The following SEC24B variants were observed in gnomAD, a reference collection of about 807,000 sequenced individuals.
SEC24B encodes the protein SEC24 homolog B, COPII component.
A neutral mutation model predicts 142.8 loss-of-function variants in SEC24B; 45 were observed. The ratio of observed to expected loss-of-function variants is 0.32; its 90% CI spans 0.25 to 0.40. The LOEUF is 0.40. SEC24B is among the 10% of genes least tolerant of loss of function. SEC24B has a pLI of 1.00. For synonymous variants in SEC24B, 574 were observed against 568.2 expected (o/e 1.01, Z -0.15); for missense variants, 1,409 against 1,526.8 (o/e 0.92, Z 1.29).
intron 16 of SEC24B, 86 bp downstream of exon 16, chr4:109,525,590 T>A (rs72898773): frequency 2.4e-6 from 2 of 847,684 alleles, no homozygotes; most frequent in African/African-American, 3.5e-5. Flanking sequence ...CTCTGACTGT[T>A]CATGATGGAA....
Position 109,473,134 on chromosome 4 carries a change from A to G in SEC24B, c.1008A>G (p.Pro336=), listed in dbSNP as rs1732711296. Reference sequence around the variant, plus strand: ...GAACACCTCCCACTGCAAATCACCCAGTTGAGCCTGTGACCTCAGTTACAC... The same window carrying G: ...GAACACCTCCCACTGCAAATCACCCGGTTGAGCCTGTGACCTCAGTTACAC... ...STRTPPTANH[P]VEPVTSVTQP... is the part of the protein sequence containing the mutation. Residue 336 remains proline, a synonymous_variant, in exon 3 of 24, where the codon CCA becomes CCG. Transcript: ENST00000265175. 1 of 1,597,970 alleles carries G rather than the reference A, an allele frequency of 6.3e-7. No homozygotes were observed. Among genetic ancestry groups the G allele is most frequent in the Non-Finnish European group, 8.5e-7 (1 of 1,172,386 alleles).
intron 2 of SEC24B, among the ~76,000 whole-genome samples, chr4:109,471,088 CACAT>C (rs139543098): frequency 0.12 from 17,826 of 151,984 alleles, 3,466 homozygotes; most frequent in African/African-American, 0.4. Flanking sequence ...TGTATATATA[CACAT>C]ACATACATGT....
chr4:109,531,577 G>A, intron 20 of SEC24B, 55 bp downstream of exon 20: 1 of 1,329,370 alleles, frequency 7.5e-7, no homozygotes, highest in Non-Finnish European at 1.1e-6. Flanking sequence ...TGAGTGTCTT[G>A]TTCTACAGCT....
At chr4:109,504,035 G>GA (rs1312763309) in intron 6 of SEC24B, among the ~76,000 whole-genome samples, 3 of 151,852 alleles carry the variant, frequency 2.0e-5, no homozygotes, top group Non-Finnish European at 2.9e-5. Flanking sequence ...CAGCTCTACA[G>GA]AAAAAAAGAG....
chr4:109,436,706 A>G (rs1192317701), intron 1 of SEC24B, among the ~76,000 whole-genome samples: 1 of 152,254 alleles, frequency 6.6e-6, no homozygotes, highest in African/African-American at 2.4e-5. Context: ...CCAAGTAATT[A>G]GAGAGTTGGG....
chr4:109,466,336 A>G (rs190064965), intron 2 of SEC24B, among the ~76,000 whole-genome samples: 2 of 152,274 alleles, frequency 1.3e-5, no homozygotes, highest in Non-Finnish European at 2.9e-5. Flanking sequence ...GTCTGGCAAC[A>G]TAATTGCTTT....
At chr4:109,472,362 A>G (rs1192128230) in intron 2 of SEC24B, among the ~76,000 whole-genome samples, 3 of 152,146 alleles carry the variant, frequency 2.0e-5, no homozygotes, top group African/African-American at 7.2e-5. Context: ...CTTCTAGGAG[A>G]CATTTGGTAT....
intron 2 of SEC24B, 54 bp downstream of exon 2, chr4:109,463,698 A>G (rs1561089137): frequency 1.3e-6 from 2 of 1,556,856 alleles, no homozygotes; most frequent in Non-Finnish European, 1.7e-6. Context: ...TGCATTCCCA[A>G]TTAAGTTATT....
chr4:109,482,969 T>TATATATATAA (rs1733902014), intron 4 of SEC24B, among the ~76,000 whole-genome samples: 1 of 59,942 alleles, frequency 1.7e-5, no homozygotes, highest in African/African-American at 1.0e-4. Context: ...TATATATATA[T>TATATATATAA]ATATATATAT....
intron 22 of SEC24B, 78 bp downstream of exon 22, chr4:109,533,763 C>A (rs1000934640): frequency 1.1e-6 from 1 of 893,944 alleles, no homozygotes; most frequent in Middle Eastern, 2.4e-4. Flanking sequence ...TAATATTCAC[C>A]ATTTTAAAAT....
chr4:109,506,036 C>T (rs2126035456), intron 6 of SEC24B, among the ~76,000 whole-genome samples: 1 of 152,266 alleles, frequency 6.6e-6, no homozygotes, highest in Non-Finnish European at 1.5e-5. Context: ...CAGTGGGGCA[C>T]TTATCGTGTT....
Position 109,530,463 on chromosome 4 carries a change from A to G in SEC24B, c.3251A>G (p.Gln1084Arg). The G allele has an allele frequency of 3.1e-6, 5 of 1,612,094 alleles. No individual in the cohort carries two copies. The highest frequency in any genetic ancestry group is 4.2e-6 in the Non-Finnish European group (5 of 1,178,938). The change falls in exon 19 of 24, where the codon CAG becomes CGG. Residue 1084 changes from glutamine (Q) to arginine (R), a missense_variant and splice_region_variant. Physicochemically the swap from Gln to Arg is conservative, Grantham distance 43. Transcript: ENST00000265175. Reference sequence around the variant, plus strand: ...CTCTATGTTTTGGCCCTTCTCAAACAGGTAGCTTTTTATACATTGCTATAT... The same window carrying G: ...CTCTATGTTTTGGCCCTTCTCAAACGGGTAGCTTTTTATACATTGCTATAT... Reference protein sequence around the residue: ...FPLYVLALLKQKAFRTGTSTR... With the variant: ...FPLYVLALLKRKAFRTGTSTR...
Position 109,481,722 on chromosome 4 carries a change from C to G in SEC24B, c.1106C>G (p.Pro369Arg). 6.2e-7 allele frequency: 1 copy of G among 1,613,818 alleles called. No homozygotes were observed. Among genetic ancestry groups the G allele is most frequent in the Non-Finnish European group, 8.5e-7 (1 of 1,179,790 alleles). The change falls in exon 4 of 24, where the codon CCA (proline) becomes CGA (arginine). Residue 369 changes from proline to arginine, a missense_variant. By Grantham distance (103) the Pro-to-Arg change is moderately radical. This residue lies in a region of SEC24B where 709 missense variants were observed against 673.5 expected (regional missense o/e 1.05). Transcript: ENST00000265175. ...GTTAATAACCAAGCTAGCTCCGCAC[C>G]AACTCCCTTGTCATCAACTTCCGAT... ...EYVNNQASSAPTPLSSTSDDE... is the reference protein window; with the variant it reads ...EYVNNQASSARTPLSSTSDDE...
chr4:109,479,301 A>G (rs1733487917), intron 3 of SEC24B, among the ~76,000 whole-genome samples: 1 of 150,502 alleles, frequency 6.6e-6, no homozygotes, highest in Non-Finnish European at 1.5e-5. Flanking sequence ...TTCCTTCTCC[A>G]TTCGGTGGTG....
chr4:109,536,651 TC>T (rs1257495772), intron 22 of SEC24B, among the ~76,000 whole-genome samples: 1 of 152,090 alleles, frequency 6.6e-6, no homozygotes, highest in Non-Finnish European at 1.5e-5. Context: ...TGCCTCAGTC[TC>T]CTGGGTAGCT....
chr4:109,521,624 A>G lies in SEC24B; in HGVS notation c.2506A>G (p.Lys836Glu). ...AGATCCTAATCAGAGATCAAGTACAAAGGTATTTTATGTTTAGTTTTTTGT... is the reference window on the plus strand; with the variant it reads ...AGATCCTAATCAGAGATCAAGTACAGAGGTATTTTATGTTTAGTTTTTTGT... Reference protein sequence around the residue: ...REDPNQRSSTKVVQHLGPATD... With the variant: ...REDPNQRSSTEVVQHLGPATD... Residue 836 changes from lysine (K) to glutamate (E), a missense_variant and splice_region_variant, in exon 14 of 24, where the codon AAG (lysine) becomes GAG (glutamate). Physicochemically the swap from Lys to Glu is moderately conservative, Grantham distance 56. Transcript: ENST00000265175. 6.2e-7 allele frequency: 1 copy of G among 1,602,532 alleles called. No individual in the cohort carries two copies. Among genetic ancestry groups the G allele is most frequent in the Non-Finnish European group, 8.5e-7 (1 of 1,171,260 alleles).
chr4:109,504,101 G>A (rs1736450214), intron 6 of SEC24B, among the ~76,000 whole-genome samples: 1 of 151,896 alleles, frequency 6.6e-6, no homozygotes. Flanking sequence ...TTCAGTTACT[G>A]TCAACATTTT....
At chr4:109,525,629 G>A in intron 16 of SEC24B, 125 bp downstream of exon 16, 1 of 543,358 alleles carries the variant, frequency 1.8e-6, no homozygotes, top group Middle Eastern at 5.2e-4. Context: ...GCTATACCAT[G>A]TTTTAAATAG....
intron 5 of SEC24B, among the ~76,000 whole-genome samples, chr4:109,493,300 A>G (rs921635566): frequency 1.6e-4 from 25 of 152,086 alleles, no homozygotes; most frequent in Non-Finnish European, 2.9e-5. Flanking sequence ...AAATAGATTG[A>G]TTCAGTTAAA....
Sources: gnomAD v4.1 joint callset for allele counts (sites outside exome capture counted in the v4.1 genomes callset) on GRCh38, gnomAD v4.1.1 for gene constraint, gnomAD v4.1.1 regional missense constraint, MANE v1.5 for transcripts, NCBI Gene and HGNC (gene_info 2026-07-23, HGNC 2026-07-21) for gene names.